The following RANBP2 variants were observed in gnomAD, a reference collection of about 807,000 sequenced individuals.
The protein encoded by RANBP2 is E3 SUMO-protein ligase RanBP2.
RANBP2 carries 57 observed loss-of-function variants against 303.6 expected under a neutral mutation model. The ratio of observed to expected loss-of-function variants is 0.19; its 90% CI spans 0.15 to 0.23. RANBP2 has a LOEUF of 0.23. Ranked by LOEUF, RANBP2 falls within the 10% of genes least tolerant of loss-of-function variation. The pLI is 1.00. For synonymous variants in RANBP2, 1,167 were observed against 1,301.5 expected, an observed-to-expected ratio of 0.90 and a Z score of 2.23; for missense variants, 3,138 against 3,780.8, an observed-to-expected ratio of 0.83 and a Z score of 4.46.
the RANBP2 span, among the ~76,000 whole-genome samples, chr2:109,236,079 T>G: frequency 2.0e-5 from 3 of 152,266 alleles, no homozygotes; most frequent in Admixed American, 2.0e-4. Flanking sequence ...CGCCTTGACC[T>G]ATTATAATAT....
chr2:109,362,707 C>T, the RANBP2 span, among the ~76,000 whole-genome samples: 13 of 152,208 alleles, frequency 8.5e-5, no homozygotes, highest in Admixed American at 3.9e-4. Flanking sequence ...GATTCATCTA[C>T]TTCTCCTTCT....
At chr2:109,530,135 G>T in the RANBP2 span, among the ~76,000 whole-genome samples, 2 of 152,180 alleles carry the variant, frequency 1.3e-5, no homozygotes, top group Non-Finnish European at 2.9e-5. Context: ...ATCAGCAGAT[G>T]CAATTCACAC....
the RANBP2 span, among the ~76,000 whole-genome samples, chr2:109,196,866 C>A: frequency 6.6e-6 from 1 of 152,168 alleles, no homozygotes; most frequent in African/African-American, 2.4e-5. Context: ...AGAGGTGGGC[C>A]TAGATGGACT....
chr2:109,721,338 G>A, the RANBP2 span, among the ~76,000 whole-genome samples: 1 of 152,186 alleles, frequency 6.6e-6, no homozygotes, highest in Non-Finnish European at 1.5e-5. Context: ...TGCGCCACAG[G>A]CTGATGGAAC....
At chr2:109,107,442 G>A in the RANBP2 span, among the ~76,000 whole-genome samples, 1 of 152,172 alleles carries the variant, frequency 6.6e-6, no homozygotes, top group Non-Finnish European at 1.5e-5. Context: ...GGGACCAGGA[G>A]CAGTACCCAG....
the RANBP2 span, among the ~76,000 whole-genome samples, chr2:108,983,376 G>T: frequency 6.6e-6 from 1 of 152,100 alleles, no homozygotes; most frequent in South Asian, 2.1e-4. Flanking sequence ...TGGGGCCAGA[G>T]GTAATGTTTA....
At chr2:109,594,545 T>C in the RANBP2 span, 1 of 151,526 alleles carries the variant, frequency 6.6e-6, no homozygotes, top group Non-Finnish European at 1.5e-5. Context: ...TACAGCACAG[T>C]GTTCTCCTCT....
chr2:108,822,094 C>T, the RANBP2 span, among the ~76,000 whole-genome samples: 1 of 151,966 alleles, frequency 6.6e-6, no homozygotes, highest in Non-Finnish European at 1.5e-5. Flanking sequence ...CACGTATCAG[C>T]TGAAAATGAA....
chr2:109,134,356 C>T, the RANBP2 span, among the ~76,000 whole-genome samples: 1 of 152,248 alleles, frequency 6.6e-6, no homozygotes, highest in East Asian at 1.9e-4. Context: ...GGGGGCCTCA[C>T]CAAAAACCAG....
the RANBP2 span, among the ~76,000 whole-genome samples, chr2:109,269,450 C>A: frequency 3.3e-5 from 5 of 152,182 alleles, no homozygotes; most frequent in Non-Finnish European, 7.3e-5. Flanking sequence ...ATCCAGCCCC[C>A]CTTTCTTCTG....
chr2:109,252,741 C>T, the RANBP2 span, among the ~76,000 whole-genome samples: 7 of 152,290 alleles, frequency 4.6e-5, no homozygotes, highest in East Asian at 1.3e-3. Flanking sequence ...ATGTAATCAG[C>T]CTACAGTTGG....
At chr2:108,823,085 A>G in the RANBP2 span, among the ~76,000 whole-genome samples, 2 of 152,226 alleles carry the variant, frequency 1.3e-5, no homozygotes. Flanking sequence ...ACAGCTTTCC[A>G]AGACTGAATC....
Position 108,764,304 on chromosome 2 carries a change from A to G in RANBP2, c.3765A>G (p.Thr1255=). Residue 1255 remains threonine (T), a synonymous_variant, in exon 20 of 29, where the codon ACA becomes ACG. Transcript: ENST00000283195. ...NHYISPDMKL[T]PNAGSDRSFV... is the part of the protein sequence containing the mutation. ...ACATCAGTCCAGATATGAAATTGAC[A>G]CCAAATGCTGGATCAGACAGATCTT... The G allele has an allele frequency of 6.2e-7, 1 of 1,613,876 alleles. No homozygotes were observed. The highest frequency in any genetic ancestry group is 2.2e-5 in the East Asian group (1 of 44,884).
the RANBP2 span, among the ~76,000 whole-genome samples, chr2:109,577,697 G>A: frequency 6.6e-6 from 1 of 151,882 alleles, no homozygotes; most frequent in Admixed American, 6.6e-5. Context: ...AAGATCGCTT[G>A]AGGCCAGGAG....
chr2:109,101,848 C>T, the RANBP2 span, among the ~76,000 whole-genome samples: 36 of 152,208 alleles, frequency 2.4e-4, no homozygotes, highest in Middle Eastern at 3.4e-3. Flanking sequence ...GTGTTTTAGG[C>T]GCTGGTGAGC....
At chr2:109,430,069 G>A in the RANBP2 span, among the ~76,000 whole-genome samples, 7 of 152,210 alleles carry the variant, frequency 4.6e-5, no homozygotes. Flanking sequence ...GTGGTCAGCA[G>A]CTAGGGCGTG....
the RANBP2 span, among the ~76,000 whole-genome samples, chr2:108,815,181 AT>A: frequency 3.1e-3 from 465 of 152,232 alleles, 3 homozygotes; most frequent in African/African-American, 0.011. Flanking sequence ...CAAAGTAACA[AT>A]TTTTGTGAGA....
the RANBP2 span, among the ~76,000 whole-genome samples, chr2:109,639,605 G>A: frequency 6.6e-6 from 1 of 151,182 alleles, no homozygotes; most frequent in Non-Finnish European, 1.5e-5. Flanking sequence ...GCAACAGAGT[G>A]AGATTCCATT....
chr2:109,275,752 C>T, the RANBP2 span, among the ~76,000 whole-genome samples: 2 of 152,178 alleles, frequency 1.3e-5, no homozygotes, highest in Non-Finnish European at 2.9e-5. Flanking sequence ...CGGACAGCCG[C>T]ACCTGCTTCC....
Sources: gnomAD v4.1 joint callset for allele counts (sites outside exome capture counted in the v4.1 genomes callset) on GRCh38, gnomAD v4.1.1 for gene constraint, MANE v1.5 for transcripts, NCBI Gene and HGNC (gene_info 2026-07-23, HGNC 2026-07-21) for gene names.